MDM4: variants seen among roughly 807,000 people sequenced by gnomAD.
MDM4 encodes MDM4 regulator of p53.
In MDM4, 2 loss-of-function variants were observed where a neutral mutation model predicts 60.2. The ratio of observed to expected loss-of-function variants is 0.03; its 90% CI spans 0.01 to 0.10. MDM4 has a LOEUF of 0.10. Among genes scored for constraint, MDM4 ranks in the 10% least tolerant of loss-of-function variants. The pLI is 1.00. For missense variants in MDM4, 447 were observed against 577.5 expected (o/e 0.77, Z 2.32); for synonymous variants, 202 against 198.1 (o/e 1.02, Z -0.17).
intron 5 of MDM4, 99 bp from the exon 6 acceptor site, chr1:204,537,331 A>C: frequency 1.2e-6 from 1 of 829,610 alleles, no homozygotes; most frequent in Non-Finnish European, 2.1e-6. Flanking sequence ...ATTTCTAGGG[A>C]CTAAACCTGG....
chr1:204,546,992 C>T (rs1662730314), intron 10 of MDM4, 115 bp downstream of exon 10: 1 of 562,280 alleles, frequency 1.8e-6, no homozygotes, highest in African/African-American at 2.0e-5. Context: ...TCTCCCTTGC[C>T]TAGTTGCTAA....
At chr1:204,539,163 C>T (rs189661784) in intron 7 of MDM4, among the ~76,000 whole-genome samples, 64 of 152,270 alleles carry the variant, frequency 4.2e-4, no homozygotes, top group Middle Eastern at 3.4e-3. Flanking sequence ...GCCACTACGC[C>T]TGGCTAATTT....
chr1:204,531,645 C>CT (rs1308782524), intron 4 of MDM4, among the ~76,000 whole-genome samples: 2 of 151,990 alleles, frequency 1.3e-5, no homozygotes, highest in Non-Finnish European at 2.9e-5. Context: ...GCCTGGCCAA[C>CT]ATAAGTGAAA....
At chr1:204,542,971 GT>G in intron 8 of MDM4, 27 bp downstream of exon 8, 1 of 1,580,872 alleles carries the variant, frequency 6.3e-7, no homozygotes, top group Admixed American at 1.8e-5. Flanking sequence ...AAGGGAAGTG[GT>G]TTTTTTTCTT....
intron 1 of MDM4, among the ~76,000 whole-genome samples, chr1:204,517,191 G>T (rs557616599): frequency 2.4e-4 from 36 of 151,226 alleles, no homozygotes; most frequent in African/African-American, 8.0e-4. Flanking sequence ...GCAGTGAGTC[G>T]AGATCGCGCC....
In MDM4 at chr1:204,523,899, G is replaced by T. The variant is rs116837719; in HGVS notation, c.-35-1585G>T. On this transcript the variant is annotated intron_variant, in intron 1 of 10. Transcript: ENST00000367182. ...CTACTTCTGTGTTGTTCCCGTATTGGCTAGGGTTGGACCGCACAGTCTAAG... is the reference window on the plus strand; with the variant it reads ...CTACTTCTGTGTTGTTCCCGTATTGTCTAGGGTTGGACCGCACAGTCTAAG... Among the ~76,000 whole-genome samples, 1,413 of 152,226 alleles carry T rather than the reference G, an allele frequency of 9.3e-3. 23 individuals carry two copies. The highest frequency in any genetic ancestry group is 0.032 in the African/African-American group (1,326 of 41,538).
At chr1:204,531,201 G>A (rs1360020636) in intron 4 of MDM4, among the ~76,000 whole-genome samples, 1 of 152,204 alleles carries the variant, frequency 6.6e-6, no homozygotes, top group African/African-American at 2.4e-5. Context: ...AGATAATTAA[G>A]TAGTCAATCA....
intron 8 of MDM4, among the ~76,000 whole-genome samples, chr1:204,543,276 C>T (rs1662314427): frequency 6.6e-6 from 1 of 152,162 alleles, no homozygotes; most frequent in African/African-American, 2.4e-5. Flanking sequence ...GAGGCCGAGA[C>T]AGGAGGATTG....
At chr1:204,525,349 A>T in intron 1 of MDM4, 135 bp from the exon 2 acceptor site, 1 of 1,384,710 alleles carries the variant, frequency 7.2e-7, no homozygotes, top group Non-Finnish European at 9.3e-7. Flanking sequence ...CAGCAAGGGT[A>T]TACAGCATTT....
chr1:204,539,854 A>G (rs762586509), intron 7 of MDM4, among the ~76,000 whole-genome samples: 2 of 152,040 alleles, frequency 1.3e-5, no homozygotes, highest in Non-Finnish European at 2.9e-5. Flanking sequence ...TTTTCACATG[A>G]CACCACAAGT....
At chr1:204,527,936 A>G (rs1660387865) in intron 3 of MDM4, among the ~76,000 whole-genome samples, 1 of 151,844 alleles carries the variant, frequency 6.6e-6, no homozygotes, top group South Asian at 2.1e-4. Flanking sequence ...TACACTTCTC[A>G]AGGAGACAAA....
rs1263928896 is a variant in MDM4 at position 204,554,831 on chromosome 1, T to G, written c.*5149T>G. ...AGGAGCCATTGGATTTCTTTCCTTT[T>G]GTGGGAAATGTCCCATTAGCATTTT... is the stretch of plus-strand genomic sequence containing the variant. On this transcript the variant is annotated 3_prime_UTR_variant, in exon 11 of 11. Transcript: ENST00000367182. 8.9e-6 allele frequency: 2 copies of G among 225,018 alleles called. No homozygotes were observed. Among genetic ancestry groups the G allele is most frequent in the East Asian group, 1.3e-4 (2 of 15,546 alleles). The allele number at this position is 225,018 out of a possible 1,614,324, so 13.9% of individuals were successfully genotyped here. A position where few individuals can be genotyped will look rare whatever the true frequency, so the allele number is the denominator to read the frequency against.
At position 204,520,372 on chromosome 1, in the gene MDM4, CTT is replaced by C. The variant is rs11290909; in HGVS notation, c.-36+3876_-36+3877del. Reference sequence around the variant, plus strand: ...TCCCAAATTACATGCAACATCCCTGCTTTTTTTTTTTTTTAATAATTAAGAGC... The same window carrying C: ...TCCCAAATTACATGCAACATCCCTGCTTTTTTTTTTTTAATAATTAAGAGC... On this transcript the variant is annotated intron_variant, in intron 1 of 10. Coordinates refer to ENST00000367182, the MANE Select transcript of MDM4 (RefSeq NM_002393.5). Among the ~76,000 whole-genome samples the C allele has an allele frequency of 4.1e-3, 581 of 141,292 alleles. 1 individual carries two copies. Among genetic ancestry groups the C allele is most frequent in the Middle Eastern group, 7.2e-3 (2 of 276 alleles). 92.7% of individuals were successfully genotyped at this position (141,292 alleles called of 152,430 possible).
At chr1:204,526,026 A>G (rs558482411) in intron 2 of MDM4, among the ~76,000 whole-genome samples, 4 of 152,216 alleles carry the variant, frequency 2.6e-5, no homozygotes, top group African/African-American at 9.6e-5. Flanking sequence ...AGGCGGAGGT[A>G]GGCAGGTCTC....
intron 3 of MDM4, chr1:204,529,480 A>G: frequency 6.5e-7 from 1 of 1,527,074 alleles, no homozygotes; most frequent in Non-Finnish European, 8.9e-7. Context: ...CCAGAGGGGA[A>G]CATCCCAGGA....
rs61754765 is a variant in MDM4 at position 204,549,371 on chromosome 1, C to G, written c.1162C>G (p.Pro388Ala). 1,177 of 1,614,062 alleles carry G rather than the reference C, an allele frequency of 7.3e-4. 2 individuals are homozygous for G. The highest frequency in any genetic ancestry group is 4.9e-3 in the Middle Eastern group (30 of 6,062). The change falls in exon 11 of 11, where the codon CCC (proline) becomes GCC (alanine). Residue 388 changes from proline (P) to alanine (A), a missense_variant. Pro to Ala is a conservative substitution (Grantham distance 27). Coordinates refer to ENST00000367182, the MANE Select transcript of MDM4 (RefSeq NM_002393.5). ...GAAAGAAAACTCCAAACTTTTTGAT[C>G]CCTGCAACTCAGTGGAATTCTTGGA... ...IKKENSKLFD[P>A]CNSVEFLDLA...
At chr1:204,533,768 T>C (rs539732799) in intron 5 of MDM4, among the ~76,000 whole-genome samples, 2 of 146,512 alleles carry the variant, frequency 1.4e-5, no homozygotes, top group South Asian at 4.3e-4. Flanking sequence ...TTTTTCTTTC[T>C]TTCTTTTCTT....
intron 1 of MDM4, among the ~76,000 whole-genome samples, chr1:204,523,456 G>T (rs998495348): frequency 7.4e-6 from 1 of 134,788 alleles, no homozygotes; most frequent in Non-Finnish European, 1.6e-5. Context: ...GACAGAGCGA[G>T]ACTCCACCTA....
chr1:204,541,233 G>A (rs1452866401), intron 7 of MDM4, among the ~76,000 whole-genome samples: 1 of 152,050 alleles, frequency 6.6e-6, no homozygotes, highest in East Asian at 1.9e-4. Context: ...CTGAGGCAGG[G>A]GCATTACTTG....
Sources: gnomAD v4.1 joint callset for allele counts (sites outside exome capture counted in the v4.1 genomes callset) on GRCh38, gnomAD v4.1.1 for gene constraint, MANE v1.5 for transcripts, NCBI Gene and HGNC (gene_info 2026-07-23, HGNC 2026-07-21) for gene names.